Variants in CHRNB4 observed in about 807,000 individuals in gnomAD.
The protein encoded by CHRNB4 is neuronal acetylcholine receptor subunit beta-4.
A neutral mutation model predicts 40.4 loss-of-function variants in CHRNB4; 23 were observed. The observed-to-expected ratio is 0.57, with a 90% CI of 0.41 to 0.81. The LOEUF (loss-of-function observed/expected upper bound fraction) is 0.81. CHRNB4 is among the 30% of genes least tolerant of loss of function. The pLI, the probability that CHRNB4 is intolerant of heterozygous loss-of-function variation, is 0.00. For missense variants in CHRNB4, 568 were observed against 670.6 expected, an observed-to-expected ratio of 0.85 and a Z score of 1.69; for synonymous variants, 285 against 274.4, an observed-to-expected ratio of 1.04 and a Z score of -0.38.
At chr15:78,657,990 T>TTGTGAGGA (rs1258468093) in intron 2 of CHRNB4, among the ~76,000 whole-genome samples, 2 of 150,902 alleles carry the variant, frequency 1.3e-5, no homozygotes, top group Non-Finnish European at 3.0e-5. Context: ...TGGGGACACA[T>TTGTGAGGA]ATATCATTAT....
In CHRNB4 at chr15:78,625,141, G is replaced by A. The variant is rs760548392; in HGVS notation, c.1489C>T (p.Arg497Cys). The part of the protein sequence containing the change: ...AASEGPYAAQ[R>C]D ...CACAACCCAGGGGGCCCTCAGTCAC[G>A]CTGGGCAGCGTAGGGCCCCTCAGAA... The change falls in exon 6 of 6, where the codon CGT (arginine) becomes TGT (cysteine). Residue 497 changes from arginine to cysteine, a missense_variant. Physicochemically the swap from Arg to Cys is radical, Grantham distance 180. Transcript: ENST00000261751. 29 of 1,613,932 alleles carry A rather than the reference G, an allele frequency of 1.8e-5. No individual in the cohort carries two copies. In the South Asian group the frequency reaches 2.0e-4, roughly 11 times the overall value.
At chr15:78,630,143 C>CTT (rs34925790) in intron 4 of CHRNB4, among the ~76,000 whole-genome samples, 198 bp from the exon 5 acceptor site, 2,341 of 143,210 alleles carry the variant, frequency 0.016, 25 homozygotes, top group Non-Finnish European at 0.018. Flanking sequence ...AAGCACCCCC[C>CTT]TTTTTTTTTT....
At chr15:78,642,595 G>A (rs192782497), upstream of CHRNB4, among the ~76,000 whole-genome samples, 22 of 152,200 alleles carry the variant, frequency 1.4e-4, no homozygotes, top group Admixed American at 7.8e-4. Context: ...TGGCTTTATC[G>A]GATGTGTACA....
chr15:78,644,149 C>T (rs1345331761), upstream of CHRNB4, among the ~76,000 whole-genome samples: 1 of 149,572 alleles, frequency 6.7e-6, no homozygotes. Flanking sequence ...GGTGACAGAG[C>T]GAGACTCTGT....
intron 5 of CHRNB4, among the ~76,000 whole-genome samples, chr15:78,654,188 T>TG (rs1275395455): frequency 6.6e-6 from 1 of 152,212 alleles, no homozygotes; most frequent in African/African-American, 2.4e-5. Context: ...CCTAATGCTC[T>TG]GTACCAGGGT....
intron 1 of CHRNB4, among the ~76,000 whole-genome samples, chr15:78,639,953 G>C (rs1180845858): frequency 6.6e-6 from 1 of 152,222 alleles, no homozygotes; most frequent in Non-Finnish European, 1.5e-5. Context: ...ACTGCCTGCA[G>C]ACACCATCTT....
At chr15:78,639,122 G>GA (rs1022977086) in intron 1 of CHRNB4, among the ~76,000 whole-genome samples, 2 of 151,988 alleles carry the variant, frequency 1.3e-5, no homozygotes, top group Admixed American at 6.6e-5. Context: ...AATTTGTATT[G>GA]AAAAAATGGA....
intron 2 of CHRNB4, among the ~76,000 whole-genome samples, chr15:78,657,689 G>C (rs1277016807): frequency 1.3e-5 from 2 of 151,962 alleles, no homozygotes; most frequent in African/African-American, 2.4e-5. Flanking sequence ...AAGTAGCTGG[G>C]ACTACAGGCA....
upstream of CHRNB4, among the ~76,000 whole-genome samples, chr15:78,643,558 G>T (rs759324496): frequency 1.3e-5 from 2 of 152,074 alleles, no homozygotes; most frequent in Non-Finnish European, 2.9e-5. Flanking sequence ...CAATGTGTTA[G>T]GTTAATACAT....
Position 78,624,854 on chromosome 15 carries a change from A to T in CHRNB4, c.*279T>A. On this transcript the variant is annotated 3_prime_UTR_variant, in exon 6 of 6. Coordinates refer to ENST00000261751, the MANE Select transcript of CHRNB4 (RefSeq NM_000750.5). The stretch of plus-strand genomic sequence containing the variant: ...GCATAGTAGGTGCTGCTACGAAGTC[A>T]TCTTTATCCCCATTGCCCGGTGCAG... 9.2e-7 allele frequency: 1 copy of T among 1,083,842 alleles called. No individual in the cohort carries two copies. The highest frequency in any genetic ancestry group is 1.3e-6 in the Non-Finnish European group (1 of 784,590). 67.1% of individuals were successfully genotyped at this position (1,083,842 alleles called of 1,614,324 possible). A position where few individuals can be genotyped will look rare whatever the true frequency, so the allele number is the denominator to read the frequency against.
At chr15:78,645,700 T>C (rs1481673162), upstream of CHRNB4, among the ~76,000 whole-genome samples, 3 of 152,012 alleles carry the variant, frequency 2.0e-5, 1 homozygote, top group African/African-American at 7.2e-5. Context: ...AAAAAATGCA[T>C]GCACCCAAAT....
intron 5 of CHRNB4, among the ~76,000 whole-genome samples, chr15:78,655,253 A>C (rs2054203099): frequency 6.6e-6 from 1 of 150,904 alleles, no homozygotes; most frequent in Non-Finnish European, 1.5e-5. Context: ...TGTCACCTAG[A>C]CTGGAGTGCA....
chr15:78,644,587 C>T (rs143279745), upstream of CHRNB4, among the ~76,000 whole-genome samples: 255 of 152,214 alleles, frequency 1.7e-3, 1 homozygote, highest in African/African-American at 5.8e-3. Context: ...TTGTAAATTA[C>T]CCAGTCTCTG....
intron 1 of CHRNB4, among the ~76,000 whole-genome samples, chr15:78,659,655 C>T (rs1383549454): frequency 6.6e-6 from 1 of 152,168 alleles, no homozygotes; most frequent in Non-Finnish European, 1.5e-5. Flanking sequence ...CACAGAGGGA[C>T]AGTCTTGGCA....
At chr15:78,660,925 A>C, upstream of CHRNB4, 1 of 380,234 alleles carries the variant, frequency 2.6e-6, no homozygotes, top group Non-Finnish European at 5.0e-6. Flanking sequence ...TTGCCTGGGG[A>C]TTTGATTGAA....
rs11072769 is a variant in CHRNB4, at chr15:78,637,449, C to G, written c.56-1862G>C. On this transcript the variant is annotated intron_variant, in intron 1 of 5. Transcript: ENST00000261751. Reference sequence around the variant, plus strand: ...TGAGAATGAGCAGAAGAAACAGTGCCGGGGCAGGGAAGCAGGTGGGAGGAT... The same window carrying G: ...TGAGAATGAGCAGAAGAAACAGTGCGGGGGCAGGGAAGCAGGTGGGAGGAT... Among the ~76,000 whole-genome samples the G allele has an allele frequency of 4.6e-5, 7 of 151,676 alleles. No homozygotes were observed. In the South Asian group the frequency reaches 6.3e-4, roughly 14 times the overall value.
At chr15:78,630,128 C>T (rs1055988796) in intron 4 of CHRNB4, among the ~76,000 whole-genome samples, 183 bp from the exon 5 acceptor site, 2 of 145,478 alleles carry the variant, frequency 1.4e-5, no homozygotes, top group Admixed American at 6.8e-5. Flanking sequence ...AGAGCCCTAA[C>T]ATCAAAGCAC....
Position 78,625,488 on chromosome 15 carries a change from A to C in CHRNB4, c.1339-197T>G, listed in dbSNP as rs1596093769. On this transcript the variant is annotated intron_variant, in intron 5 of 5. Transcript: ENST00000261751. ...GCCTCTCTGGCTGTTCTCCACCTCC[A>C]CCCCTGCCTGTCCCCCACAGCGTTG... Among the ~76,000 whole-genome samples, 9 of 151,278 alleles carry C rather than the reference A, an allele frequency of 5.9e-5. No homozygotes were observed. In the South Asian group the frequency reaches 1.7e-3, roughly 28 times the overall value.
At chr15:78,627,556 T>G (rs1303956534) in intron 5 of CHRNB4, 1 of 152,122 alleles carries the variant, frequency 6.6e-6, no homozygotes, top group Non-Finnish European at 1.5e-5. Context: ...TGGAAAGCAA[T>G]CTCAAAACGG....
Sources: gnomAD v4.1 joint callset for allele counts (sites outside exome capture counted in the v4.1 genomes callset) on GRCh38, gnomAD v4.1.1 for gene constraint, MANE v1.5 for transcripts, NCBI Gene and HGNC (gene_info 2026-07-23, HGNC 2026-07-21) for gene names.